Variants in CAST observed in about 807,000 individuals in gnomAD.
CAST encodes MIR583 host.
A neutral mutation model predicts 119.6 loss-of-function variants in CAST; 76 were observed. That is an observed-to-expected ratio of 0.64 (90% CI 0.53 to 0.77). The LOEUF (loss-of-function observed/expected upper bound fraction) is 0.77, where lower values mean the gene tolerates loss of function less well. Among genes scored for constraint, CAST ranks in the 30% least tolerant of loss-of-function variants. The pLI, the probability that CAST is intolerant of heterozygous loss-of-function variation, is 0.00. For missense variants in CAST, 953 were observed against 946.5 expected, an observed-to-expected ratio of 1.01 and a Z score of -0.09; for synonymous variants, 319 against 331.6, an observed-to-expected ratio of 0.96 and a Z score of 0.41.
At chr5:96,204,961 T>A in the CAST span, among the ~76,000 whole-genome samples, 1 of 152,134 alleles carries the variant, frequency 6.6e-6, no homozygotes, top group African/African-American at 2.4e-5. Flanking sequence ...GTTTCTTTTT[T>A]ACATTTCCTT....
At chr5:96,037,311 T>C in the CAST span, among the ~76,000 whole-genome samples, 134 of 152,296 alleles carry the variant, frequency 8.8e-4, 1 homozygote, top group African/African-American at 3.1e-3. Flanking sequence ...AAGACTCTGC[T>C]GCCTGAAAAT....
chr5:96,397,772 G>A, the CAST span, among the ~76,000 whole-genome samples: 1 of 151,730 alleles, frequency 6.6e-6, no homozygotes, highest in Non-Finnish European at 1.5e-5. Context: ...AGGAAAACTC[G>A]GCGAACTACA....
At chr5:96,260,029 T>C in the CAST span, among the ~76,000 whole-genome samples, 6 of 152,026 alleles carry the variant, frequency 3.9e-5, no homozygotes, top group Non-Finnish European at 5.9e-5. Flanking sequence ...CATCCTTTTC[T>C]TTTTTTTCCA....
the CAST span, among the ~76,000 whole-genome samples, chr5:96,504,832 T>G: frequency 6.6e-6 from 1 of 152,236 alleles, no homozygotes; most frequent in Non-Finnish European, 1.5e-5. Context: ...ATCTGTTGTT[T>G]TGCCATTTCT....
chr5:96,013,513 T>C, the CAST span, among the ~76,000 whole-genome samples: 1 of 152,156 alleles, frequency 6.6e-6, no homozygotes, highest in Admixed American at 6.6e-5. Context: ...GTTTGTTTTC[T>C]ATCTTTCGCC....
At chr5:96,398,946 T>G in the CAST span, 1 of 1,612,926 alleles carries the variant, frequency 6.2e-7, no homozygotes, top group Non-Finnish European at 8.5e-7. Context: ...CTTCAAATTG[T>G]ACATGCTCCA....
chr5:96,672,010 C>T (rs866934926), intron 1 of CAST, among the ~76,000 whole-genome samples: 14 of 152,116 alleles, frequency 9.2e-5, no homozygotes, highest in African/African-American at 3.4e-4. Flanking sequence ...ATGATCAGGG[C>T]AATGGTTAAT....
chr5:96,108,117 A>C, the CAST span, among the ~76,000 whole-genome samples: 4 of 151,754 alleles, frequency 2.6e-5, no homozygotes, highest in Admixed American at 1.3e-4. Context: ...TTCTAGTTAT[A>C]CATTCTTCTA....
chr5:96,226,667 T>C, the CAST span, among the ~76,000 whole-genome samples: 3 of 152,028 alleles, frequency 2.0e-5, no homozygotes, highest in South Asian at 4.2e-4. Flanking sequence ...AAAAAAAGAT[T>C]TAAAAAAAAA....
chr5:96,521,952 A>G (rs1299648569), upstream of CAST, among the ~76,000 whole-genome samples: 2 of 152,062 alleles, frequency 1.3e-5, no homozygotes, highest in Admixed American at 6.6e-5. Context: ...CATCTCTACT[A>G]AAAATACAAA....
the CAST span, among the ~76,000 whole-genome samples, chr5:96,339,968 C>G: frequency 1.3e-5 from 2 of 152,260 alleles, no homozygotes; most frequent in African/African-American, 2.4e-5. Context: ...GGTTAGGATC[C>G]TATCTTCAAC....
chr5:96,298,636 G>T, the CAST span, among the ~76,000 whole-genome samples: 35 of 152,038 alleles, frequency 2.3e-4, no homozygotes, highest in African/African-American at 7.2e-4. Context: ...TTTTTTTAGT[G>T]CCTGAGAACA....
intron 1 of CAST, among the ~76,000 whole-genome samples, chr5:96,573,138 T>C (rs1244944913): frequency 6.6e-6 from 1 of 152,208 alleles, no homozygotes; most frequent in East Asian, 1.9e-4. Context: ...TTACCTTTTA[T>C]GGTTTATGTT....
chr5:96,599,974 A>AAAAAAAAAAACAAAAC (rs1460109288), intron 1 of CAST, among the ~76,000 whole-genome samples: 183 of 125,732 alleles, frequency 1.5e-3, no homozygotes, highest in Middle Eastern at 0.011. Context: ...GGCAAAAAAA[A>AAAAAAAAAAACAAAAC]AAAAAAAAAC....
At chr5:96,728,933 T>C (rs1382191839) in intron 6 of CAST, 1 of 491,876 alleles carries the variant, frequency 2.0e-6, no homozygotes, top group Non-Finnish European at 3.7e-6. Context: ...TTTTTCATTA[T>C]TCTGATAATC....
At chr5:96,705,783 AT>A (rs1257650181) in intron 3 of CAST, among the ~76,000 whole-genome samples, 2 of 152,296 alleles carry the variant, frequency 1.3e-5, no homozygotes, top group Non-Finnish European at 2.9e-5. Flanking sequence ...CGGAGCCCTT[AT>A]GTGCTGTGAT....
chr5:96,238,344 TTCATCTTCA>T, the CAST span, among the ~76,000 whole-genome samples: 84 of 129,712 alleles, frequency 6.5e-4, 1 homozygote, highest in African/African-American at 2.5e-3. Context: ...CTTCTTCTTC[TTCATCTTCA>T]TCTTCTTCTT....
chr5:96,187,706 C>G, the CAST span, among the ~76,000 whole-genome samples: 2 of 152,152 alleles, frequency 1.3e-5, no homozygotes, highest in East Asian at 3.8e-4. Context: ...TCCCCTAGTG[C>G]CTTGCACAAA....
chr5:95,974,080 C>A, the CAST span, among the ~76,000 whole-genome samples: 1 of 152,066 alleles, frequency 6.6e-6, no homozygotes, highest in Non-Finnish European at 1.5e-5. Flanking sequence ...CTATCATCTG[C>A]AGACATTCCC....
Sources: gnomAD v4.1 joint callset for allele counts (sites outside exome capture counted in the v4.1 genomes callset) on GRCh38, gnomAD v4.1.1 for gene constraint, MANE v1.5 for transcripts, NCBI Gene and HGNC (gene_info 2026-07-23, HGNC 2026-07-21) for gene names.